LAMA5: variants seen among roughly 807,000 people sequenced by gnomAD.
LAMA5 encodes the protein laminin subunit alpha-5.
In LAMA5, 260 loss-of-function variants were observed where a neutral mutation model predicts 433.4. The observed-to-expected ratio is 0.60, with a 90% CI of 0.54 to 0.66. The LOEUF is 0.66. Ranked by LOEUF, LAMA5 falls within the 30% of genes least tolerant of loss-of-function variation. The pLI is 0.00. For missense variants in LAMA5, 5,378 were observed against 5,258.5 expected (o/e 1.02, Z -0.70); for synonymous variants, 2,620 against 2,226.6 (o/e 1.18, Z -4.97).
chr20:62,325,099 TGAGGGGCAGGCAGGCGGAC>T (rs1427739038), intron 41 of LAMA5, 198 bp downstream of exon 41: 7 of 551,766 alleles, frequency 1.3e-5, no homozygotes, highest in South Asian at 2.3e-5. Flanking sequence ...GGCAGGCGGA[TGAGGGGCAGGCAGGCGGAC>T]GAGGGGCAGG....
chr20:62,310,992 G>C lies in LAMA5; in HGVS notation c.10191C>G (p.Ser3397Arg). The part of the protein sequence containing the change: ...PGSPSLALFL[S>R]NGHFVAQMEG... ...CCATCTGTGCAACGAAGTGGCCATTGCTCAGGAAGAGCGCCAGGGAGGGGC... is the reference window on the plus strand; with the variant it reads ...CCATCTGTGCAACGAAGTGGCCATTCCTCAGGAAGAGCGCCAGGGAGGGGC... Residue 3397 changes from serine to arginine, a missense_variant, in exon 74 of 80, where the codon AGC (serine) becomes AGG (arginine). Coordinates refer to ENST00000252999, the MANE Select transcript of LAMA5 (RefSeq NM_005560.6). The C allele has an allele frequency of 6.2e-7, 1 of 1,611,200 alleles. No individual in the cohort carries two copies. The highest frequency in any genetic ancestry group is 8.5e-7 in the Non-Finnish European group (1 of 1,179,252).
At chr20:62,347,191 C>T (rs1333505153) in intron 6 of LAMA5, among the ~76,000 whole-genome samples, 163 bp from the exon 7 acceptor site, 2 of 152,204 alleles carry the variant, frequency 1.3e-5, no homozygotes, top group African/African-American at 2.4e-5. Flanking sequence ...CAAGCGCTCG[C>T]CCAGACTCAG....
intron 2 of LAMA5, 143 bp downstream of exon 2, chr20:62,362,257 C>A (rs1009149363): frequency 8.8e-6 from 7 of 794,598 alleles, no homozygotes; most frequent in East Asian, 6.6e-5. Context: ...GGACTCCCCC[C>A]ACCAAGTCCT....
Position 62,310,895 on chromosome 20 carries a change from C to A in LAMA5, c.10281+7G>T. 4 of 1,609,534 alleles carry A rather than the reference C, an allele frequency of 2.5e-6. No homozygotes were observed. The highest frequency in any genetic ancestry group is 3.4e-6 in the Non-Finnish European group (4 of 1,179,016). On this transcript the variant is annotated splice_region_variant and intron_variant, in intron 74 of 79. Transcript: ENST00000252999. ...TGCCCACCACCTTCCTTCTTCTCGG[C>A]CCTCACCTTGTGCCAGCGGCCAGGC...
chr20:62,322,542 CCT>C (rs1243567022), intron 46 of LAMA5, 93 bp from the exon 47 acceptor site: 28 of 1,452,116 alleles, frequency 1.9e-5, no homozygotes, highest in South Asian at 1.3e-4. Context: ...GGCCCCACCC[CCT>C]GAGGCTCTGC....
At chr20:62,332,740 G>A (rs1226353094) in intron 26 of LAMA5, 23 bp from the exon 27 acceptor site, 2 of 1,606,944 alleles carry the variant, frequency 1.2e-6, no homozygotes, top group Non-Finnish European at 8.5e-7. Context: ...CAGGGTGACG[G>A]GAGGCCCGCC....
rs767166572 is a variant in LAMA5 at position 62,323,717 on chromosome 20, C to G, written c.5850-47G>C. ...GCCGTCAGTGGCCCGTGGCGCCCACCCTCGCATATCCTGGGGTCAGCACTC... is the reference window on the plus strand; with the variant it reads ...GCCGTCAGTGGCCCGTGGCGCCCACGCTCGCATATCCTGGGGTCAGCACTC... On this transcript the variant is annotated intron_variant, in intron 44 of 79. Coordinates refer to ENST00000252999, the MANE Select transcript of LAMA5 (RefSeq NM_005560.6). 1.9e-6 allele frequency: 3 copies of G among 1,593,862 alleles called. No homozygotes were observed. In the East Asian group the frequency reaches 6.8e-5, roughly 36 times the overall value.
chr20:62,330,818 G>C lies in LAMA5; in HGVS notation c.3777C>G (p.Ser1259=). The C allele has an allele frequency of 1.3e-6, 2 of 1,551,494 alleles. No homozygotes were observed. The highest frequency in any genetic ancestry group is 1.7e-6 in the Non-Finnish European group (2 of 1,148,672). The change falls in exon 30 of 80, where the codon TCC becomes TCG. Residue 1259 remains serine (S), a synonymous_variant. Transcript: ENST00000252999. Reference sequence around the variant, plus strand: ...GGGGCCGAGGTCGGGGTCCAGCTGGGGACATGGCTGGAGTGAGATCCTGCG... The same window carrying C: ...GGGGCCGAGGTCGGGGTCCAGCTGGCGACATGGCTGGAGTGAGATCCTGCG... ...THAQDLTPAM[S]PAGPRPRPPT...
chr20:62,341,224 A>C (rs1341448637), intron 11 of LAMA5, among the ~76,000 whole-genome samples: 1 of 152,206 alleles, frequency 6.6e-6, no homozygotes, highest in Non-Finnish European at 1.5e-5. Flanking sequence ...AAAGGACAGG[A>C]GGGAAACCTC....
chr20:62,312,508 T>G lies in LAMA5; in HGVS notation c.9252A>C (p.Gly3084=). ...PPSLRRLFPT[G]GSVRGCVKGI... ...CTTTGACGCAGCCACGGACTGAGCC[T>G]CCGGTGGGGAAGAGCCGTCGCAGGC... is the stretch of plus-strand genomic sequence containing the variant. Residue 3084 remains glycine, a synonymous_variant, in exon 68 of 80, where the codon GGA becomes GGC. Transcript: ENST00000252999. 1 of 1,598,912 alleles carries G rather than the reference T, an allele frequency of 6.3e-7. No homozygotes were observed. Among genetic ancestry groups the G allele is most frequent in the Non-Finnish European group, 8.5e-7 (1 of 1,179,654 alleles).
Position 62,316,960 on chromosome 20 carries a change from G to A in LAMA5, c.7575C>T (p.Tyr2525=), listed in dbSNP as rs150372885. 139 of 1,569,572 alleles carry A rather than the reference G, an allele frequency of 8.9e-5. No homozygotes were observed. The African/African-American group carries it at 1.7e-3, about 20-fold the overall frequency. The part of the protein sequence containing the change: ...TQRAIEASNA[Y]SRILQAVQAA... ...CCTGCACGGCCTGCAGGATGCGGCT[G>A]TAGGCGTTGGAGGCCTCGATGGCCC... Residue 2525 remains tyrosine, a synonymous_variant, in exon 56 of 80, where the codon TAC becomes TAT. Transcript: ENST00000252999.
At position 62,354,776 on chromosome 20, in the gene LAMA5, G is replaced by A. The variant is rs1984917085; in HGVS notation, c.451-1525C>T. Among the ~76,000 whole-genome samples the A allele has an allele frequency of 2.0e-5, 3 of 152,110 alleles. No homozygotes were observed. In the South Asian group the frequency reaches 6.2e-4, roughly 31 times the overall value. On this transcript the variant is annotated intron_variant, in intron 2 of 79. Coordinates refer to ENST00000252999, the MANE Select transcript of LAMA5 (RefSeq NM_005560.6). ...GAGCCCTAGGCTCCCCCTACCTGGG[G>A]GCAAAGGAGGGAAGTTGTCTCCAGG...
At chr20:62,336,870 C>G in intron 16 of LAMA5, 84 bp from the exon 17 acceptor site, 1 of 1,392,236 alleles carries the variant, frequency 7.2e-7, no homozygotes, top group Non-Finnish European at 1.0e-6. Flanking sequence ...CCAGAACCCA[C>G]GGTCCCACAG....
intron 50 of LAMA5, among the ~76,000 whole-genome samples, chr20:62,320,038 GC>G (rs1228840041): frequency 6.6e-6 from 1 of 152,072 alleles, no homozygotes; most frequent in Non-Finnish European, 1.5e-5. Flanking sequence ...GACATTTGAG[GC>G]CGGCCACAGT....
At chr20:62,323,132 C>CTGATCATGGGTAGGGGAGGGGGGATG (rs2146129147) in intron 45 of LAMA5, among the ~76,000 whole-genome samples, 1 of 108,148 alleles carries the variant, frequency 9.2e-6, no homozygotes, top group South Asian at 2.9e-4. Flanking sequence ...AGGTGGGGGC[C>CTGATCATGGGTAGGGGAGGGGGGATG]TGATCATGGG....
chr20:62,345,751 C>A (rs906476136), intron 11 of LAMA5, 67 bp downstream of exon 11: 1 of 1,179,192 alleles, frequency 8.5e-7, no homozygotes, highest in Non-Finnish European at 1.2e-6. Flanking sequence ...TCTCCAGGAA[C>A]TTTCTGTGAA....
Position 62,323,062 on chromosome 20 carries a change from G to A in LAMA5, c.6065-304C>T, listed in dbSNP as rs574078380. Reference sequence around the variant, plus strand: ...GGGGACTGATTGTGGGGGGAGAGGGGATGTGATCGTGAGGTGGGGGGGGCG... The same window carrying A: ...GGGGACTGATTGTGGGGGGAGAGGGAATGTGATCGTGAGGTGGGGGGGGCG... On this transcript the variant is annotated intron_variant, in intron 45 of 79. Coordinates refer to ENST00000252999, the MANE Select transcript of LAMA5 (RefSeq NM_005560.6). Among the ~76,000 whole-genome samples, 531 of 138,278 alleles carry A rather than the reference G, an allele frequency of 3.8e-3. 9 individuals carry two copies. The highest frequency in any genetic ancestry group is 0.034 in the Admixed American group (466 of 13,754). 90.7% of individuals were successfully genotyped at this position (138,278 alleles called of 152,430 possible).
intron 34 of LAMA5, 38 bp downstream of exon 34, chr20:62,328,806 C>T: frequency 1.9e-6 from 3 of 1,588,926 alleles, no homozygotes; most frequent in Non-Finnish European, 2.6e-6. Context: ...CTGGCACCAA[C>T]TCCCTGCCAC....
intron 46 of LAMA5, 23 bp downstream of exon 46, chr20:62,322,634 GC>G: frequency 2.8e-6 from 2 of 721,646 alleles, no homozygotes; most frequent in East Asian, 4.7e-5. Context: ...CACCCACCCA[GC>G]CCTGCTTACC....
Sources: allele counts gnomAD v4.1 joint callset (sites outside exome capture counted in the v4.1 genomes callset), GRCh38; gene constraint gnomAD v4.1.1; transcripts MANE v1.5; gene names NCBI Gene and HGNC (gene_info 2026-07-23, HGNC 2026-07-21).